Variants in ELMO1 observed in about 807,000 individuals in gnomAD.
ELMO1 encodes the protein engulfment and cell motility 1.
Under a neutral mutation model 98.9 loss-of-function variants are expected in ELMO1, and 26 were observed. The ratio of observed to expected loss-of-function variants is 0.26; its 90% confidence interval spans 0.19 to 0.36. The LOEUF is 0.36. Among genes scored for constraint, ELMO1 ranks in the 10% least tolerant of loss-of-function variants. The pLI, the probability that ELMO1 is intolerant of heterozygous loss-of-function variation, is 1.00. For synonymous variants in ELMO1, 346 were observed against 346.0 expected, an observed-to-expected ratio of 1.00 and a Z score of 0.00; for missense variants, 627 against 935.2, an observed-to-expected ratio of 0.67 and a Z score of 4.30.
chr7:37,024,612 G>A (rs1794463782), intron 15 of ELMO1, among the ~76,000 whole-genome samples: 1 of 152,150 alleles, frequency 6.6e-6, no homozygotes, highest in African/African-American at 2.4e-5. Flanking sequence ...CCACTTAACT[G>A]TGTGATCCCA....
chr7:36,880,579 T>C (rs1459521510), intron 18 of ELMO1, among the ~76,000 whole-genome samples: 1 of 152,208 alleles, frequency 6.6e-6, no homozygotes, highest in African/African-American at 2.4e-5. Flanking sequence ...AGCACTCTAC[T>C]ATGTGTAGCG....
At chr7:37,055,389 C>T (rs1464365196) in intron 15 of ELMO1, among the ~76,000 whole-genome samples, 1 of 152,198 alleles carries the variant, frequency 6.6e-6, no homozygotes, top group Non-Finnish European at 1.5e-5. Context: ...ATTAAGACTA[C>T]AGCAGGAGAC....
chr7:37,347,579 G>A (rs958729790), intron 1 of ELMO1, among the ~76,000 whole-genome samples: 2 of 152,128 alleles, frequency 1.3e-5, no homozygotes, highest in African/African-American at 4.8e-5. Flanking sequence ...GGCTTTATAA[G>A]GGGAACACCC....
chr7:36,916,420 A>G (rs1387158146), intron 16 of ELMO1, among the ~76,000 whole-genome samples: 1 of 152,256 alleles, frequency 6.6e-6, no homozygotes, highest in Non-Finnish European at 1.5e-5. Context: ...TGGTTGAGAT[A>G]TGCCTACCTT....
At chr7:36,857,944 G>T (rs920584032) in intron 21 of ELMO1, among the ~76,000 whole-genome samples, 1 of 152,126 alleles carries the variant, frequency 6.6e-6, no homozygotes, top group African/African-American at 2.4e-5. Context: ...CTCCCAATAG[G>T]ACTCAGATGC....
At chr7:37,332,540 T>C (rs570241184) in intron 2 of ELMO1, among the ~76,000 whole-genome samples, 4 of 152,322 alleles carry the variant, frequency 2.6e-5, no homozygotes, top group South Asian at 2.1e-4. Context: ...TCTAAGGAAC[T>C]TACACTTCAT....
rs73693574 is a variant in ELMO1, at chr7:37,412,763, C to T, written c.-74+35912G>A. Reference sequence around the variant, plus strand: ...AGGCTAGGTCAGAGAAAAAAGATGCCACATGATTGTCTCTCCCTGAAACTT... The same window carrying T: ...AGGCTAGGTCAGAGAAAAAAGATGCTACATGATTGTCTCTCCCTGAAACTT... On this transcript the variant is annotated intron_variant, in intron 1 of 21. Transcript: ENST00000310758. 7.2e-3 allele frequency among the ~76,000 whole-genome samples: 1,095 copies of T among 152,192 alleles called. 11 individuals are homozygous for T. Among genetic ancestry groups the T allele is most frequent in the African/African-American group, 0.026 (1,064 of 41,494 alleles).
intron 8 of ELMO1, among the ~76,000 whole-genome samples, chr7:37,228,916 C>T (rs563159752): frequency 1.3e-5 from 2 of 152,242 alleles, no homozygotes; most frequent in Admixed American, 1.3e-4. Context: ...CGCGTGAACC[C>T]AGGAGGCAGA....
chr7:37,364,650 T>C (rs918018136), intron 1 of ELMO1, among the ~76,000 whole-genome samples: 2 of 151,648 alleles, frequency 1.3e-5, no homozygotes, highest in Non-Finnish European at 2.9e-5. Flanking sequence ...CAAAACCAAA[T>C]TTCTTCTTCT....
chr7:37,275,342 T>C (rs1443773530), intron 4 of ELMO1, among the ~76,000 whole-genome samples: 1 of 152,256 alleles, frequency 6.6e-6, no homozygotes, highest in Non-Finnish European at 1.5e-5. Context: ...CAGGCACTCC[T>C]TCAAGGTTCA....
chr7:37,271,991 A>C, intron 4 of ELMO1, 109 bp from the exon 5 acceptor site: 3 of 885,318 alleles, frequency 3.4e-6, no homozygotes, highest in South Asian at 1.5e-5. Context: ...GTTTATTCTC[A>C]CTTGAATAAT....
At chr7:37,277,752 C>T (rs572968499) in intron 4 of ELMO1, among the ~76,000 whole-genome samples, 2 of 152,330 alleles carry the variant, frequency 1.3e-5, no homozygotes, top group Non-Finnish European at 2.9e-5. Context: ...AGAATAGAAA[C>T]CATCTCCCTC....
At chr7:37,388,425 T>TTG (rs397755060) in intron 1 of ELMO1, among the ~76,000 whole-genome samples, 1 of 151,708 alleles carries the variant, frequency 6.6e-6, no homozygotes, top group East Asian at 1.9e-4. Context: ...TTTTTTTTTT[T>TTG]GGTAATATTA....
chr7:37,404,539 G>A (rs569741164), intron 1 of ELMO1, among the ~76,000 whole-genome samples: 25 of 152,250 alleles, frequency 1.6e-4, no homozygotes, highest in Middle Eastern at 6.8e-3. Context: ...TAACAACCTG[G>A]TATATAATAA....
intron 16 of ELMO1, among the ~76,000 whole-genome samples, chr7:36,990,013 C>T (rs1333048334): frequency 2.0e-5 from 3 of 152,192 alleles, no homozygotes; most frequent in East Asian, 3.8e-4. Flanking sequence ...TAAGCTCTTT[C>T]GTCCACCTAG....
chr7:37,151,316 C>G (rs1366561942), intron 13 of ELMO1, among the ~76,000 whole-genome samples: 1 of 152,136 alleles, frequency 6.6e-6, no homozygotes, highest in Non-Finnish European at 1.5e-5. Flanking sequence ...CCTCCTGGAG[C>G]CTGACCGTTC....
At chr7:37,335,202 A>T (rs1800332485) in intron 2 of ELMO1, among the ~76,000 whole-genome samples, 1 of 152,250 alleles carries the variant, frequency 6.6e-6, no homozygotes. Context: ...TGGAGAAAAG[A>T]CTGCATTATA....
intron 16 of ELMO1, among the ~76,000 whole-genome samples, chr7:36,965,361 G>C (rs1789328261): frequency 6.6e-6 from 1 of 152,188 alleles, no homozygotes; most frequent in Non-Finnish European, 1.5e-5. Context: ...AGCAGAGAAT[G>C]AATGAATAAT....
At chr7:36,987,297 G>A (rs1341195270) in intron 16 of ELMO1, among the ~76,000 whole-genome samples, 2 of 151,940 alleles carry the variant, frequency 1.3e-5, no homozygotes, top group Non-Finnish European at 2.9e-5. Context: ...TCTCTCCTTA[G>A]CAGCAGGGGT....
Sources: gnomAD v4.1 joint callset for allele counts (sites outside exome capture counted in the v4.1 genomes callset) on GRCh38, gnomAD v4.1.1 for gene constraint, MANE v1.5 for transcripts, NCBI Gene and HGNC (gene_info 2026-07-23, HGNC 2026-07-21) for gene names.